The following LNX1 variants were observed in gnomAD, a reference collection of about 807,000 sequenced individuals.
LNX1 encodes the protein E3 ubiquitin-protein ligase LNX.
A neutral mutation model predicts 68.4 loss-of-function variants in LNX1; 54 were observed. The observed-to-expected ratio is 0.79, with a 90% confidence interval of 0.63 to 0.99. The LOEUF (loss-of-function observed/expected upper bound fraction) is 0.99, where lower values mean the gene tolerates loss of function less well. Among genes scored for constraint, LNX1 ranks in the 50% least tolerant of loss-of-function variants. The pLI is 0.00. For synonymous variants in LNX1, 336 were observed against 350.0 expected (o/e 0.96, Z 0.45); for missense variants, 906 against 926.4 (o/e 0.98, Z 0.29).
At chr4:53,571,370 C>T (rs1731157152) in intron 2 of LNX1, among the ~76,000 whole-genome samples, 1 of 151,744 alleles carries the variant, frequency 6.6e-6, no homozygotes, top group South Asian at 2.1e-4. Flanking sequence ...CCAGGTGGGC[C>T]CAAGGTAATC....
intron 2 of LNX1, among the ~76,000 whole-genome samples, chr4:53,518,173 G>A (rs926813863): frequency 3.9e-5 from 6 of 152,190 alleles, no homozygotes; most frequent in Non-Finnish European, 7.3e-5. Context: ...CAGGAGAGGC[G>A]TGATGTGCCT....
upstream of LNX1, among the ~76,000 whole-genome samples, chr4:53,621,458 C>A (rs1691415552): frequency 6.6e-6 from 1 of 152,122 alleles, no homozygotes; most frequent in Non-Finnish European, 1.5e-5. Flanking sequence ...CTACTTGCTG[C>A]CTTGCATATA....
At chr4:53,487,312 A>G (rs1724375881) in intron 6 of LNX1, among the ~76,000 whole-genome samples, 1 of 152,240 alleles carries the variant, frequency 6.6e-6, no homozygotes, top group Non-Finnish European at 1.5e-5. Flanking sequence ...GTTCTCATCC[A>G]GCCAAAGGCT....
intron 2 of LNX1, among the ~76,000 whole-genome samples, chr4:53,605,530 T>C (rs1733193477): frequency 6.6e-6 from 1 of 152,208 alleles, no homozygotes; most frequent in South Asian, 2.1e-4. Context: ...TTTAGATCTC[T>C]AGACTTATCC....
chr4:53,614,254 G>A (rs1459541512), intron 2 of LNX1, among the ~76,000 whole-genome samples: 1 of 152,096 alleles, frequency 6.6e-6, no homozygotes. Context: ...ATATTCTCCA[G>A]GAAAGAATTA....
intron 2 of LNX1, among the ~76,000 whole-genome samples, chr4:53,540,709 C>A (rs183993610): frequency 0.029 from 4,415 of 151,822 alleles, 82 homozygotes; most frequent in Non-Finnish European, 0.045. Context: ...AACAAAAAAA[C>A]CCCCCTGTTA....
chr4:53,528,234 A>G (rs1430069850), intron 2 of LNX1, among the ~76,000 whole-genome samples: 1 of 152,256 alleles, frequency 6.6e-6, no homozygotes, highest in Non-Finnish European at 1.5e-5. Flanking sequence ...TAAGAAATAC[A>G]TAGTCCTCCC....
Position 53,508,056 on chromosome 4 carries a change from G to C in LNX1, c.552C>G (p.Tyr184Ter). 1 of 1,614,162 alleles carries C rather than the reference G, an allele frequency of 6.2e-7. No individual in the cohort carries two copies. The part of the protein sequence containing the change: ...TDEPGLDNPA[Y>*]VSSAEDGQPA... ...GCTGCCCGTCCTCTGCCGAGGACAC[G>C]TAGGCAGGGTTGTCTAGGCCAGGCT... The change falls in exon 3 of 11, where the codon TAC (tyrosine) becomes TAG (stop). Residue 184 changes from tyrosine to a stop codon, truncating the protein, a stop_gained. Transcript: ENST00000263925. LOFTEE classifies it high-confidence loss of function.
In LNX1 at chr4:53,512,826, CTT is replaced by C. The variant is rs767900205; in HGVS notation, c.381-4601_381-4600del. Among the ~76,000 whole-genome samples the C allele has an allele frequency of 3.3e-5, 5 of 152,170 alleles. No individual in the cohort carries two copies. In the East Asian group the frequency reaches 7.7e-4, roughly 24 times the overall value. On this transcript the variant is annotated intron_variant, in intron 2 of 10. Coordinates refer to ENST00000263925, the MANE Select transcript of LNX1 (RefSeq NM_001126328.3). ...CTGAATGGGATGAGTGATTCTGAAA[CTT>C]TGCTTGAGGTGGGGTTCCTGGGGCC...
chr4:53,625,604 C>T (rs150959646), intron 1 of LNX1, among the ~76,000 whole-genome samples: 29 of 152,210 alleles, frequency 1.9e-4, no homozygotes, highest in African/African-American at 6.3e-4. Context: ...TGACACCAAA[C>T]TGGGCAACAT....
At chr4:53,619,306 T>A (rs1469694505), upstream of LNX1, among the ~76,000 whole-genome samples, 1 of 152,180 alleles carries the variant, frequency 6.6e-6, no homozygotes, top group Non-Finnish European at 1.5e-5. Context: ...ACTTTCATTA[T>A]CCCCCAAAGA....
intron 1 of LNX1, among the ~76,000 whole-genome samples, chr4:53,637,177 C>T (rs773313169): frequency 3.3e-5 from 5 of 151,898 alleles, no homozygotes; most frequent in Non-Finnish European, 5.9e-5. Context: ...AATAATTGGA[C>T]CAAAACACAA....
intron 2 of LNX1, among the ~76,000 whole-genome samples, chr4:53,520,916 C>T (rs185948526): frequency 1.1e-4 from 16 of 152,266 alleles, no homozygotes; most frequent in South Asian, 2.1e-4. Context: ...GAGCCAAGAT[C>T]GTACCACTGC....
upstream of LNX1, among the ~76,000 whole-genome samples, chr4:53,618,031 A>G (rs1249033348): frequency 6.6e-6 from 1 of 152,158 alleles, no homozygotes; most frequent in East Asian, 1.9e-4. Context: ...GAAATTTTTC[A>G]AAATAACATC....
chr4:53,467,306 A>G (rs1445170201), intron 9 of LNX1, among the ~76,000 whole-genome samples: 1 of 152,132 alleles, frequency 6.6e-6, no homozygotes, highest in Non-Finnish European at 1.5e-5. Context: ...AAAACTAACA[A>G]ACAGAAAGGG....
chr4:53,580,793 T>C (rs1731784122), intron 1 of LNX1, among the ~76,000 whole-genome samples: 1 of 152,198 alleles, frequency 6.6e-6, no homozygotes, highest in African/African-American at 2.4e-5. Context: ...TTAGAACCAT[T>C]GCTATCTGAG....
intron 1 of LNX1, among the ~76,000 whole-genome samples, chr4:53,645,198 A>G (rs1356205583): frequency 6.6e-6 from 1 of 152,158 alleles, no homozygotes; most frequent in Non-Finnish European, 1.5e-5. Context: ...TACACAAATT[A>G]AGAATCCAGA....
intron 2 of LNX1, among the ~76,000 whole-genome samples, chr4:53,541,476 A>G (rs1560654668): frequency 6.6e-6 from 1 of 150,462 alleles, no homozygotes; most frequent in Non-Finnish European, 1.5e-5. Flanking sequence ...CATTTCATAT[A>G]TATTTTTTTT....
At chr4:53,648,974 G>C (rs1734991758) in intron 1 of LNX1, among the ~76,000 whole-genome samples, 1 of 152,078 alleles carries the variant, frequency 6.6e-6, no homozygotes, top group Admixed American at 6.6e-5. Flanking sequence ...GAAGAGAGGA[G>C]GTCTCCTTAG....
Sources: allele counts gnomAD v4.1 joint callset (sites outside exome capture counted in the v4.1 genomes callset), GRCh38; gene constraint gnomAD v4.1.1; transcripts MANE v1.5; gene names NCBI Gene and HGNC (gene_info 2026-07-23, HGNC 2026-07-21).